Variants in CPAMD8 observed in about 807,000 individuals in gnomAD.
CPAMD8 encodes the protein C3 and PZP-like alpha-2-macroglobulin domain-containing protein 8.
A neutral mutation model predicts 224.7 loss-of-function variants in CPAMD8; 146 were observed. The observed-to-expected ratio is 0.65, with a 90% confidence interval of 0.57 to 0.75. The LOEUF (loss-of-function observed/expected upper bound fraction) is 0.75. CPAMD8 is among the 30% of genes least tolerant of loss of function. CPAMD8 has a pLI of 0.00. For synonymous variants in CPAMD8, 966 were observed against 1,044.6 expected (o/e 0.92, Z 1.45); for missense variants, 2,301 against 2,537.5 (o/e 0.91, Z 2.00).
chr19:16,913,898 G>A (rs911946692), intron 29 of CPAMD8, among the ~76,000 whole-genome samples: 2 of 152,144 alleles, frequency 1.3e-5, no homozygotes, highest in African/African-American at 2.4e-5. Flanking sequence ...CATCGTGGAA[G>A]CCTTCTCTGC....
chr19:17,011,560 C>T (rs757866145), intron 4 of CPAMD8, 32 bp downstream of exon 4: 17 of 1,614,056 alleles, frequency 1.1e-5, no homozygotes, highest in Admixed American at 3.3e-5. Context: ...AGACCATGGC[C>T]GGCCCTCCCT....
chr19:16,982,461 C>A (rs186209624), intron 13 of CPAMD8, among the ~76,000 whole-genome samples: 3 of 151,810 alleles, frequency 2.0e-5, no homozygotes, highest in Non-Finnish European at 4.4e-5. Context: ...TCTACCTCCC[C>A]CTAAAGGAAG....
intron 3 of CPAMD8, among the ~76,000 whole-genome samples, chr19:17,013,975 C>G (rs1464067971): frequency 1.5e-5 from 2 of 137,054 alleles, no homozygotes; most frequent in African/African-American, 5.0e-5. Context: ...TTCCTTCCTT[C>G]CATCCTTCCT....
intron 11 of CPAMD8, 106 bp from the exon 12 acceptor site, chr19:16,993,692 T>A: frequency 6.5e-6 from 7 of 1,073,648 alleles, no homozygotes; most frequent in Non-Finnish European, 9.3e-6. Context: ...GGCTTCTTTG[T>A]AGAAATTGAC....
intron 24 of CPAMD8, 85 bp from the exon 25 acceptor site, chr19:16,928,319 A>G (rs986498518): frequency 2.5e-5 from 27 of 1,058,874 alleles, no homozygotes; most frequent in Non-Finnish European, 3.4e-5. Context: ...CTTTGTGGCC[A>G]GGGTCAGAGG....
At chr19:16,920,972 C>T (rs1480179123) in intron 27 of CPAMD8, among the ~76,000 whole-genome samples, 1 of 151,576 alleles carries the variant, frequency 6.6e-6, no homozygotes, top group Non-Finnish European at 1.5e-5. Context: ...GACTCAGTGG[C>T]TTTAGCTGTC....
chr19:16,976,539 T>G (rs2055279640), intron 15 of CPAMD8, among the ~76,000 whole-genome samples: 1 of 152,046 alleles, frequency 6.6e-6, no homozygotes, highest in African/African-American at 2.4e-5. Context: ...GCATCTCTTC[T>G]GCCCCACCCA....
intron 18 of CPAMD8, among the ~76,000 whole-genome samples, chr19:16,963,925 G>T (rs887956444): frequency 3.3e-5 from 5 of 152,144 alleles, no homozygotes; most frequent in African/African-American, 9.7e-5. Flanking sequence ...TGAACAACCT[G>T]CTCCTGAATG....
intron 18 of CPAMD8, among the ~76,000 whole-genome samples, chr19:16,970,047 A>G (rs1488127364): frequency 6.7e-6 from 1 of 150,266 alleles, no homozygotes; most frequent in Non-Finnish European, 1.5e-5. Context: ...ATCCTGGCTA[A>G]CACAGTGAAA....
intron 7 of CPAMD8, among the ~76,000 whole-genome samples, chr19:17,005,124 C>T (rs896797649): frequency 3.2e-4 from 49 of 151,044 alleles, no homozygotes; most frequent in Non-Finnish European, 6.5e-4. Context: ...CTGGCCTCCA[C>T]TCACCAAAGG....
chr19:17,010,132 A>C (rs2056606883), intron 5 of CPAMD8, among the ~76,000 whole-genome samples: 1 of 152,246 alleles, frequency 6.6e-6, no homozygotes, highest in Admixed American at 6.5e-5. Flanking sequence ...CTGGACCAGC[A>C]AAGAAACATG....
At chr19:16,912,327 C>A (rs1330600322) in intron 29 of CPAMD8, among the ~76,000 whole-genome samples, 1 of 152,172 alleles carries the variant, frequency 6.6e-6, no homozygotes. Flanking sequence ...CCCTGCAGGG[C>A]AGGCCTTCAG....
At chr19:16,975,460 T>C (rs2055229741) in intron 16 of CPAMD8, among the ~76,000 whole-genome samples, 1 of 152,046 alleles carries the variant, frequency 6.6e-6, no homozygotes, top group South Asian at 2.1e-4. Flanking sequence ...TAATCCCAGT[T>C]ACTGGGGAGG....
intron 14 of CPAMD8, among the ~76,000 whole-genome samples, chr19:16,978,085 G>A (rs1179959779): frequency 6.6e-6 from 1 of 152,154 alleles, no homozygotes; most frequent in Non-Finnish European, 1.5e-5. Context: ...TCTACGGCAA[G>A]AGAATGAGGG....
intron 15 of CPAMD8, 119 bp downstream of exon 15, chr19:16,977,249 C>T (rs2055310043): frequency 1.5e-6 from 1 of 686,582 alleles, no homozygotes; most frequent in African/African-American, 1.8e-5. Flanking sequence ...TCCCATAATT[C>T]CTTACATCAT....
At chr19:16,918,183 C>T (rs778439727) in intron 27 of CPAMD8, among the ~76,000 whole-genome samples, 2 of 151,990 alleles carry the variant, frequency 1.3e-5, no homozygotes, top group Admixed American at 6.6e-5. Flanking sequence ...TGAGTAGAGA[C>T]GGGGTTTCGC....
At chr19:16,966,104 A>G (rs768908375) in intron 18 of CPAMD8, among the ~76,000 whole-genome samples, 54 of 152,246 alleles carry the variant, frequency 3.5e-4, no homozygotes, top group Non-Finnish European at 6.9e-4. Flanking sequence ...CTACAAGGCT[A>G]CAGTAACCAA....
At chr19:16,916,797 A>G (rs4808057) in intron 27 of CPAMD8, among the ~76,000 whole-genome samples, 75,773 of 151,918 alleles carry the variant, frequency 0.5, 20,536 homozygotes, top group Non-Finnish European at 0.6. Flanking sequence ...CCCAAAGCTC[A>G]TCCAGGCCGT....
chr19:16,936,213 C>A (rs1044059507), intron 23 of CPAMD8, among the ~76,000 whole-genome samples: 5 of 152,146 alleles, frequency 3.3e-5, no homozygotes, highest in Middle Eastern at 3.2e-3. Context: ...TAGGCATGAG[C>A]CACTGCGCCC....
Sources: allele counts gnomAD v4.1 joint callset (sites outside exome capture counted in the v4.1 genomes callset), GRCh38; gene constraint gnomAD v4.1.1; transcripts MANE v1.5; gene names NCBI Gene and HGNC (gene_info 2026-07-23, HGNC 2026-07-21).